Variants in ADGRD1 observed in about 807,000 individuals in gnomAD.
The protein encoded by ADGRD1 is adhesion G protein-coupled receptor D1, also known as G-protein coupled receptor 133.
A neutral mutation model predicts 113.4 loss-of-function variants in ADGRD1; 77 were observed. The observed-to-expected ratio is 0.68, with a 90% CI of 0.57 to 0.82. The LOEUF is 0.82. ADGRD1 is among the 40% of genes least tolerant of loss of function. ADGRD1 has a pLI of 0.00. For synonymous variants in ADGRD1, 474 were observed against 475.0 expected (o/e 1.00, Z 0.03); for missense variants, 1,036 against 1,139.1 (o/e 0.91, Z 1.30).
chr12:131,076,703 G>T, intron 13 of ADGRD1, 98 bp from the exon 14 acceptor site: 1 of 990,400 alleles, frequency 1.0e-6, no homozygotes, highest in Non-Finnish European at 1.6e-6. Context: ...CCCTACCTGA[G>T]GTCGCCCAGC....
chr12:131,052,108 C>T (rs1035587733), intron 13 of ADGRD1, among the ~76,000 whole-genome samples: 3 of 152,214 alleles, frequency 2.0e-5, no homozygotes, highest in African/African-American at 7.2e-5. Flanking sequence ...CGGGACCCTC[C>T]TTTATTACCC....
chr12:131,066,791 C>T (rs1463802888), intron 13 of ADGRD1, among the ~76,000 whole-genome samples: 2 of 152,142 alleles, frequency 1.3e-5, no homozygotes, highest in Non-Finnish European at 2.9e-5. Context: ...AGGCATCACA[C>T]ACCTGGCTGG....
chr12:131,057,861 C>A lies in ADGRD1; in HGVS notation c.1474-18940C>A, dbSNP rs1336624479. 1.3e-5 allele frequency among the ~76,000 whole-genome samples: 2 copies of A among 152,206 alleles called. No homozygotes were observed. The highest frequency in any genetic ancestry group is 1.3e-4 in the Admixed American group (2 of 15,280). ...CTGCATGTCTCTGCCTTCACTGGTA[C>A]CTCCCTAGTCAAGGACCCCATGTGC... On this transcript the variant is annotated intron_variant, in intron 13 of 24. Coordinates refer to ENST00000261654, the MANE Select transcript of ADGRD1 (RefSeq NM_198827.5). This position sits in a 1 kb window ranked among gnomAD's most constrained non-coding sequence, Gnocchi z 4.2.
intron 15 of ADGRD1, among the ~76,000 whole-genome samples, chr12:131,098,409 G>A (rs1949993824): frequency 6.6e-6 from 1 of 152,126 alleles, no homozygotes; most frequent in African/African-American, 2.4e-5. Flanking sequence ...CTATGGAGGG[G>A]GTGAGCCATG....
intron 18 of ADGRD1, among the ~76,000 whole-genome samples, chr12:131,112,995 C>A (rs1478893457): frequency 6.6e-6 from 1 of 152,120 alleles, no homozygotes; most frequent in Non-Finnish European, 1.5e-5. Flanking sequence ...ATGAGAAATG[C>A]GGGCAGCCTT....
At chr12:131,046,368 G>A (rs200274816) in intron 13 of ADGRD1, among the ~76,000 whole-genome samples, 109 of 117,186 alleles carry the variant, frequency 9.3e-4, no homozygotes, top group African/African-American at 3.7e-3. Flanking sequence ...TCCCTGGTCA[G>A]TGCTCCTCCC....
At chr12:131,054,714 G>C (rs761298960) in intron 13 of ADGRD1, among the ~76,000 whole-genome samples, 5 of 152,164 alleles carry the variant, frequency 3.3e-5, no homozygotes, top group Non-Finnish European at 4.4e-5. Context: ...TCTCCTCTCC[G>C]GTCACTGGTC....
At chr12:131,122,381 C>G (rs1195935) in intron 20 of ADGRD1, among the ~76,000 whole-genome samples, 111,459 of 151,978 alleles carry the variant, frequency 0.73, 42,137 homozygotes, top group Non-Finnish European at 0.83. Context: ...GGGCTGCGCG[C>G]TTGAGCTCTT....
intron 18 of ADGRD1, among the ~76,000 whole-genome samples, chr12:131,112,255 C>G (rs1950362469): frequency 6.6e-6 from 1 of 152,156 alleles, no homozygotes; most frequent in Non-Finnish European, 1.5e-5. Flanking sequence ...CTCTCTGTCT[C>G]TTTCCATGGC....
intron 13 of ADGRD1, among the ~76,000 whole-genome samples, chr12:131,046,454 A>AGC (rs1358322205): frequency 8.4e-6 from 1 of 119,288 alleles, no homozygotes; most frequent in Non-Finnish European, 1.7e-5. Context: ...CTCCCTGGTC[A>AGC]GTGTCCTCCC....
Position 130,965,578 on chromosome 12 carries a change from G to A in ADGRD1, c.104-885G>A, listed in dbSNP as rs1870914384. ...AAAGCCACTCATGTCAGCGCCACCT[G>A]TACGAATAAGGATGGAAGCTATTGA... On this transcript the variant is annotated intron_variant, in intron 2 of 24. Transcript: ENST00000261654. This position sits in a 1 kb window ranked among gnomAD's most constrained non-coding sequence, Gnocchi z 4.8. 6.6e-6 allele frequency among the ~76,000 whole-genome samples: 1 copy of A among 152,152 alleles called. No individual in the cohort carries two copies.
chr12:131,083,771 A>G (rs1886246561), intron 14 of ADGRD1, among the ~76,000 whole-genome samples: 1 of 152,236 alleles, frequency 6.6e-6, no homozygotes, highest in Non-Finnish European at 1.5e-5. Flanking sequence ...CAAGTAATAT[A>G]TCCACACGTT....
chr12:130,968,883 C>A, intron 3 of ADGRD1: 1 of 721,038 alleles, frequency 1.4e-6, no homozygotes, highest in Admixed American at 2.2e-5. Context: ...AAGAGCCCCT[C>A]CTGGTGCCTG....
At chr12:131,048,189 C>G (rs1181663318) in intron 13 of ADGRD1, among the ~76,000 whole-genome samples, 2 of 152,228 alleles carry the variant, frequency 1.3e-5, no homozygotes, top group African/African-American at 4.8e-5. Flanking sequence ...ACACAGTGTG[C>G]TGAGTGGAAG....
chr12:131,016,754 A>T (rs554025482), intron 13 of ADGRD1, among the ~76,000 whole-genome samples: 38 of 152,308 alleles, frequency 2.5e-4, no homozygotes, highest in African/African-American at 8.4e-4. Context: ...TCAGCCGGGC[A>T]TGGTGGCCCG....
intron 4 of ADGRD1, among the ~76,000 whole-genome samples, chr12:130,972,121 G>C (rs1565991177): frequency 6.6e-6 from 1 of 152,198 alleles, no homozygotes; most frequent in Non-Finnish European, 1.5e-5. Context: ...AGATGCAAAA[G>C]AAAAACTGGC....
intron 13 of ADGRD1, among the ~76,000 whole-genome samples, chr12:131,053,231 G>A (rs1370934284): frequency 6.6e-6 from 1 of 152,220 alleles, no homozygotes; most frequent in Non-Finnish European, 1.5e-5. Flanking sequence ...GTGCAGGCTG[G>A]TGATGGCCTG....
chr12:131,049,736 G>A (rs970610860), intron 13 of ADGRD1, among the ~76,000 whole-genome samples: 1 of 152,188 alleles, frequency 6.6e-6, no homozygotes, highest in African/African-American at 2.4e-5. Flanking sequence ...AGTGAGGGCA[G>A]GTTTGGGGCC....
chr12:131,013,822 A>G (rs1878224976), intron 12 of ADGRD1, among the ~76,000 whole-genome samples: 1 of 152,166 alleles, frequency 6.6e-6, no homozygotes, highest in Non-Finnish European at 1.5e-5. Flanking sequence ...GGAATCGGTG[A>G]GATTCATGCC....
Sources: allele counts gnomAD v4.1 joint callset (sites outside exome capture counted in the v4.1 genomes callset), GRCh38; gene constraint gnomAD v4.1.1; non-coding constraint Gnocchi (gnomAD v3.1); transcripts MANE v1.5; gene names NCBI Gene and HGNC (gene_info 2026-07-23, HGNC 2026-07-21).